MAF: variants seen among roughly 807,000 people sequenced by gnomAD.
MAF encodes the protein transcription factor Maf.
MAF carries 10 observed loss-of-function variants against 22.0 expected under a neutral mutation model. The ratio of observed to expected loss-of-function variants is 0.45; its 90% CI spans 0.28 to 0.77. The LOEUF (loss-of-function observed/expected upper bound fraction) is 0.77, where lower values mean the gene tolerates loss of function less well. MAF is among the 30% of genes least tolerant of loss of function. The pLI, the probability that MAF is intolerant of heterozygous loss-of-function variation, is 0.12. For missense variants in MAF, 544 were observed against 548.4 expected (o/e 0.99, Z 0.08); for synonymous variants, 337 against 255.8 (o/e 1.32, Z -3.03).
At chr16:79,458,016 T>A in the MAF span, among the ~76,000 whole-genome samples, 3 of 151,560 alleles carry the variant, frequency 2.0e-5, no homozygotes, top group African/African-American at 7.3e-5. Flanking sequence ...TTAGAGATAT[T>A]TTTTTTTCAA....
the MAF span, among the ~76,000 whole-genome samples, chr16:79,451,279 T>G: frequency 6.6e-6 from 1 of 152,206 alleles, no homozygotes; most frequent in Non-Finnish European, 1.5e-5. Flanking sequence ...CATTTATAAG[T>G]GCCCATGTCT....
At chr16:79,209,820 T>C in the MAF span, among the ~76,000 whole-genome samples, 3 of 152,230 alleles carry the variant, frequency 2.0e-5, no homozygotes, top group Non-Finnish European at 4.4e-5. Context: ...TGAAGTTGTT[T>C]AGATAAATGT....
chr16:79,236,625 G>A, the MAF span, among the ~76,000 whole-genome samples: 2 of 152,142 alleles, frequency 1.3e-5, no homozygotes, highest in African/African-American at 4.8e-5. Flanking sequence ...AGAAATTAGG[G>A]AATACTCTTG....
chr16:79,582,491 A>T (rs1912581208), downstream of MAF, among the ~76,000 whole-genome samples: 1 of 152,224 alleles, frequency 6.6e-6, no homozygotes, highest in Non-Finnish European at 1.5e-5. Flanking sequence ...ACAAGTTTAT[A>T]TGGCATAATT....
At chr16:79,269,423 CCT>C in the MAF span, among the ~76,000 whole-genome samples, 1 of 152,128 alleles carries the variant, frequency 6.6e-6, no homozygotes, top group Non-Finnish European at 1.5e-5. Flanking sequence ...AGATTTTACA[CCT>C]CTTTCTTTCT....
chr16:79,269,919 C>G, the MAF span, among the ~76,000 whole-genome samples: 6 of 152,306 alleles, frequency 3.9e-5, no homozygotes, highest in Non-Finnish European at 5.9e-5. Context: ...CATAAAATCC[C>G]AAACCTAGAA....
chr16:79,556,594 CAA>C, the MAF span, among the ~76,000 whole-genome samples: 1 of 152,148 alleles, frequency 6.6e-6, no homozygotes, highest in Non-Finnish European at 1.5e-5. Context: ...ATATATAACA[CAA>C]ATTATGGGGA....
chr16:79,406,448 G>T, the MAF span, among the ~76,000 whole-genome samples: 1 of 152,114 alleles, frequency 6.6e-6, no homozygotes, highest in Admixed American at 6.5e-5. Flanking sequence ...TTTAGTGTCT[G>T]GTGACACTGA....
chr16:79,532,046 A>G, the MAF span, among the ~76,000 whole-genome samples: 109,153 of 152,124 alleles, frequency 0.72, 42,029 homozygotes, highest in Non-Finnish European at 0.86. Context: ...GATAACCAAT[A>G]AGAATTGTTA....
At chr16:79,379,537 C>T in the MAF span, among the ~76,000 whole-genome samples, 2 of 151,500 alleles carry the variant, frequency 1.3e-5, no homozygotes, top group Non-Finnish European at 2.9e-5. Context: ...ACACAACTAG[C>T]GGGAATTATT....
the MAF span, among the ~76,000 whole-genome samples, chr16:79,278,723 G>A: frequency 1.1e-4 from 16 of 152,194 alleles, no homozygotes; most frequent in Admixed American, 3.3e-4. Flanking sequence ...TGTGATTTGC[G>A]TAGTCAGGAA....
chr16:79,395,347 A>T, the MAF span, among the ~76,000 whole-genome samples: 1 of 152,204 alleles, frequency 6.6e-6, no homozygotes, highest in African/African-American at 2.4e-5. Flanking sequence ...GTTTGCTAAG[A>T]TGGAAGATAG....
chr16:79,324,275 A>C, the MAF span, among the ~76,000 whole-genome samples: 1 of 152,142 alleles, frequency 6.6e-6, no homozygotes, highest in Non-Finnish European at 1.5e-5. Flanking sequence ...ACCTGTTGGT[A>C]TTACAGTTGG....
the MAF span, among the ~76,000 whole-genome samples, chr16:79,217,856 G>C: frequency 1.3e-5 from 2 of 151,970 alleles, no homozygotes; most frequent in African/African-American, 4.8e-5. Context: ...GTTATGAGTG[G>C]TTTTGTTTTG....
chr16:79,540,030 T>C, the MAF span, among the ~76,000 whole-genome samples: 1 of 152,108 alleles, frequency 6.6e-6, no homozygotes, highest in South Asian at 2.1e-4. Context: ...TGAAGCCCAC[T>C]GCTGGGAGGA....
intron 1 of MAF, chr16:79,594,798 G>C: frequency 1.5e-6 from 2 of 1,293,134 alleles, no homozygotes; most frequent in Non-Finnish European, 2.0e-6. Flanking sequence ...CTTTTACTAG[G>C]AGTTAACCTT....
At chr16:79,246,727 G>A in the MAF span, among the ~76,000 whole-genome samples, 2 of 152,122 alleles carry the variant, frequency 1.3e-5, no homozygotes, top group Non-Finnish European at 2.9e-5. Context: ...ATAATCTGTG[G>A]TGGGTGGAAT....
the MAF span, among the ~76,000 whole-genome samples, chr16:79,567,991 T>A: frequency 6.6e-6 from 1 of 152,342 alleles, no homozygotes; most frequent in African/African-American, 2.4e-5. Context: ...GAGCTTAGAT[T>A]TATTACAGAA....
the MAF span, among the ~76,000 whole-genome samples, chr16:79,324,083 A>C: frequency 6.6e-6 from 1 of 152,182 alleles, no homozygotes; most frequent in African/African-American, 2.4e-5. Context: ...CTCTCAGTAA[A>C]GGTTAGCTTA....
Sources: gnomAD v4.1 joint callset for allele counts (sites outside exome capture counted in the v4.1 genomes callset) on GRCh38, gnomAD v4.1.1 for gene constraint, MANE v1.5 for transcripts, NCBI Gene and HGNC (gene_info 2026-07-23, HGNC 2026-07-21) for gene names.